The following ERBB4 variants were observed in gnomAD, a reference collection of about 807,000 sequenced individuals.
ERBB4 encodes the protein receptor tyrosine-protein kinase erbB-4.
A neutral mutation model predicts 158.0 loss-of-function variants in ERBB4; 42 were observed. The observed-to-expected ratio is 0.27, with a 90% CI of 0.21 to 0.34. The LOEUF (loss-of-function observed/expected upper bound fraction) is 0.34. ERBB4 is among the 10% of genes least tolerant of loss of function. ERBB4 has a pLI of 1.00. For missense variants in ERBB4, 1,333 were observed against 1,624.1 expected (o/e 0.82, Z 3.08); for synonymous variants, 583 against 558.7 (o/e 1.04, Z -0.61).
intron 19 of ERBB4, among the ~76,000 whole-genome samples, chr2:211,603,163 G>A (rs527423202): frequency 1.3e-4 from 20 of 152,206 alleles, no homozygotes; most frequent in African/African-American, 4.3e-4. Context: ...CCCGGGAGGC[G>A]GAGGTTGCAG....
At chr2:212,096,812 G>A (rs1327904735) in intron 2 of ERBB4, among the ~76,000 whole-genome samples, 1 of 152,052 alleles carries the variant, frequency 6.6e-6, no homozygotes, top group African/African-American at 2.4e-5. Flanking sequence ...CCAGACAATG[G>A]GTATTTGTAG....
At chr2:212,171,010 C>T (rs2081501149) in intron 1 of ERBB4, among the ~76,000 whole-genome samples, 2 of 152,088 alleles carry the variant, frequency 1.3e-5, no homozygotes, top group Admixed American at 6.6e-5. Flanking sequence ...ACAGCTTGCA[C>T]TGTGCACCTG....
rs3070122 is a variant in ERBB4, at chr2:211,956,029, A to AGTGTGTGT, written c.235-8421_235-8414dup. On this transcript the variant is annotated intron_variant, in intron 2 of 27. Coordinates refer to ENST00000342788, the MANE Select transcript of ERBB4 (RefSeq NM_005235.3). Reference sequence around the variant, plus strand: ...AAGTTGAAGATTCTATCATCTCTAAAGTGTGTGTGTGTGTGTGTGTGTGTG... The same window carrying AGTGTGTGT: ...AAGTTGAAGATTCTATCATCTCTAAAGTGTGTGTGTGTGTGTGTGTGTGTGTGTGTGTG... 4.0e-3 allele frequency among the ~76,000 whole-genome samples: 587 copies of AGTGTGTGT among 146,418 alleles called. 6 individuals carry two copies. Among genetic ancestry groups the AGTGTGTGT allele is most frequent in the African/African-American group, 0.014 (535 of 39,520 alleles).
rs2106036016 is a variant in ERBB4, at chr2:211,852,092, C to A, written c.422-63933G>T. ...TACAGTTCTTCTACTCTAGTCCAGGCTCTTATCATTCTATGTCAGTCTCTT... is the reference window on the plus strand; with the variant it reads ...TACAGTTCTTCTACTCTAGTCCAGGATCTTATCATTCTATGTCAGTCTCTT... On this transcript the variant is annotated intron_variant, in intron 3 of 27. Coordinates refer to ENST00000342788, the MANE Select transcript of ERBB4 (RefSeq NM_005235.3). Among the ~76,000 whole-genome samples, 4 of 152,010 alleles carry A rather than the reference C, an allele frequency of 2.6e-5. No homozygotes were observed. The Middle Eastern group carries it at 0.014, about 521-fold the overall frequency.
At chr2:212,379,751 A>G (rs1412815217) in intron 1 of ERBB4, among the ~76,000 whole-genome samples, 2 of 151,350 alleles carry the variant, frequency 1.3e-5, no homozygotes, top group African/African-American at 2.4e-5. Context: ...ATTTTGGGGG[A>G]AAAACACTCA....
At chr2:211,397,637 A>C (rs2062948346) in intron 25 of ERBB4, among the ~76,000 whole-genome samples, 1 of 152,144 alleles carries the variant, frequency 6.6e-6, no homozygotes, top group African/African-American at 2.4e-5. Flanking sequence ...AAAGCAGGCA[A>C]AATCTGATCT....
At chr2:211,678,354 G>A (rs1429624375) in intron 13 of ERBB4, among the ~76,000 whole-genome samples, 2 of 148,748 alleles carry the variant, frequency 1.3e-5, no homozygotes, top group East Asian at 3.9e-4. Context: ...CACTCCAGAT[G>A]AAATTTATAG....
At chr2:212,513,681 A>G (rs564089189) in intron 1 of ERBB4, among the ~76,000 whole-genome samples, 34 of 152,204 alleles carry the variant, frequency 2.2e-4, no homozygotes, top group East Asian at 5.8e-4. Flanking sequence ...CGTAGTGGCC[A>G]GCGCCTGTAG....
At chr2:211,531,671 G>A (rs932274446) in intron 20 of ERBB4, among the ~76,000 whole-genome samples, 3 of 152,056 alleles carry the variant, frequency 2.0e-5, no homozygotes, top group Admixed American at 6.6e-5. Context: ...AAATGCTGGC[G>A]AGGATGTGGA....
intron 2 of ERBB4, among the ~76,000 whole-genome samples, chr2:212,012,557 G>A (rs186220208): frequency 1.5e-4 from 23 of 152,022 alleles, no homozygotes; most frequent in Middle Eastern, 3.4e-3. Flanking sequence ...TGGGACCACA[G>A]GCGCTTGCCG....
rs532588358 is a variant in ERBB4 at position 211,733,168 on chromosome 2, T to C, written c.623-7974A>G. ...TGCTTTATTCATTTATTTAATGAAG[T>C]TTTATTCAACCTATTTAATAAAGAC... On this transcript the variant is annotated intron_variant, in intron 5 of 27. Transcript: ENST00000342788. Among the ~76,000 whole-genome samples the C allele has an allele frequency of 1.8e-3, 271 of 152,316 alleles. 2 individuals carry two copies. The Middle Eastern group carries it at 0.051, about 29-fold the overall frequency.
chr2:212,388,361 T>C (rs1560185915), intron 1 of ERBB4, among the ~76,000 whole-genome samples: 1 of 152,140 alleles, frequency 6.6e-6, no homozygotes, highest in Non-Finnish European at 1.5e-5. Flanking sequence ...ACAAAGCATA[T>C]GCTTTCAAAT....
chr2:211,574,526 T>A (rs2067834992), intron 19 of ERBB4, among the ~76,000 whole-genome samples: 1 of 152,194 alleles, frequency 6.6e-6, no homozygotes, highest in African/African-American at 2.4e-5. Context: ...TACTTATTAA[T>A]CTTACCAATG....
intron 3 of ERBB4, among the ~76,000 whole-genome samples, chr2:211,940,981 C>T (rs547478428): frequency 6.0e-4 from 91 of 152,200 alleles, no homozygotes; most frequent in Middle Eastern, 3.4e-3. Flanking sequence ...TTCCTCTTTT[C>T]GAATATATGT....
chr2:211,961,853 C>T (rs1301277546), intron 2 of ERBB4, among the ~76,000 whole-genome samples: 2 of 152,084 alleles, frequency 1.3e-5, no homozygotes, highest in Non-Finnish European at 2.9e-5. Context: ...GGAGGAGGAA[C>T]TTATGTCACA....
At chr2:212,099,736 G>GTTTTTTTTT (rs3037296) in intron 2 of ERBB4, among the ~76,000 whole-genome samples, 2 of 144,600 alleles carry the variant, frequency 1.4e-5, no homozygotes, top group Non-Finnish European at 3.0e-5. Flanking sequence ...TTGTTTTACA[G>GTTTTTTTTT]TTTTTTTTTT....
At chr2:211,682,591 T>C (rs2072396440) in intron 12 of ERBB4, among the ~76,000 whole-genome samples, 1 of 152,228 alleles carries the variant, frequency 6.6e-6, no homozygotes, top group African/African-American at 2.4e-5. Context: ...TTTTTGTATA[T>C]GGATATTCAA....
At chr2:211,800,605 T>A (rs996368348) in intron 3 of ERBB4, among the ~76,000 whole-genome samples, 1 of 150,864 alleles carries the variant, frequency 6.6e-6, no homozygotes, top group Non-Finnish European at 1.5e-5. Flanking sequence ...TTTATGGAGT[T>A]GAAAGGTAAA....
chr2:211,911,129 C>T (rs2079530710), intron 3 of ERBB4, among the ~76,000 whole-genome samples: 1 of 152,114 alleles, frequency 6.6e-6, no homozygotes, highest in Non-Finnish European at 1.5e-5. Context: ...GTATAGTTTG[C>T]TCTCTGTATT....
Sources: allele counts gnomAD v4.1 joint callset (sites outside exome capture counted in the v4.1 genomes callset), GRCh38; gene constraint gnomAD v4.1.1; transcripts MANE v1.5; gene names NCBI Gene and HGNC (gene_info 2026-07-23, HGNC 2026-07-21).